Variants in TRAF3 observed in about 807,000 individuals in gnomAD.
TRAF3 encodes TNF receptor associated factor 3.
TRAF3 carries 13 observed loss-of-function variants against 62.3 expected under a neutral mutation model. The observed-to-expected ratio is 0.21, with a 90% confidence interval of 0.14 to 0.33. TRAF3 has a LOEUF of 0.33. Among genes scored for constraint, TRAF3 ranks in the 10% least tolerant of loss-of-function variants. The probability of loss-of-function intolerance (pLI) is 1.00; values close to 1 mark genes in which losing one functional copy is unlikely to be tolerated. For missense variants in TRAF3, 440 were observed against 741.8 expected (o/e 0.59, Z 4.73); for synonymous variants, 269 against 283.4 (o/e 0.95, Z 0.51).
rs553329456 is a variant in TRAF3 at position 102,890,148 on chromosome 14, C to T, written c.726+514C>T. Among the ~76,000 whole-genome samples the T allele has an allele frequency of 3.3e-4, 50 of 152,328 alleles. 1 individual carries two copies. Among genetic ancestry groups the T allele is most frequent in the African/African-American group, 1.1e-3 (46 of 41,584 alleles). Reference sequence around the variant, plus strand: ...ACAGCTCATAGAGAGCACACCTCCCCGAGAACAGTGTGGGGAGGGCATCTC... The same window carrying T: ...ACAGCTCATAGAGAGCACACCTCCCTGAGAACAGTGTGGGGAGGGCATCTC... On this transcript the variant is annotated intron_variant, in intron 8 of 11. Transcript: ENST00000392745.
At chr14:102,816,995 G>T (rs188005725) in intron 1 of TRAF3, among the ~76,000 whole-genome samples, 1 of 152,320 alleles carries the variant, frequency 6.6e-6, no homozygotes, top group East Asian at 1.9e-4. Context: ...GGCATGTGAG[G>T]AAGGGGGTCC....
At chr14:102,782,194 C>G (rs1319730999) in intron 1 of TRAF3, among the ~76,000 whole-genome samples, 1 of 152,100 alleles carries the variant, frequency 6.6e-6, no homozygotes, top group East Asian at 1.9e-4. Flanking sequence ...CTCAGCCTCC[C>G]AAAGTGCTGG....
At chr14:102,838,580 T>C (rs1343127833) in intron 2 of TRAF3, among the ~76,000 whole-genome samples, 1 of 152,192 alleles carries the variant, frequency 6.6e-6, no homozygotes, top group Non-Finnish European at 1.5e-5. Context: ...AGTCTAGTGA[T>C]AAATAGTAGT....
In TRAF3 at chr14:102,805,849, C is replaced by T. The variant is rs116883234; in HGVS notation, c.-156-24485C>T. ...CTCACTGGGATGGTTTGTGTGAGTA[C>T]ATACCTGTTTTACTTTTAGTTTCAC... On this transcript the variant is annotated intron_variant, in intron 1 of 11. Coordinates refer to ENST00000392745, the MANE Select transcript of TRAF3 (RefSeq NM_145725.3). 1.1e-4 allele frequency among the ~76,000 whole-genome samples: 16 copies of T among 152,294 alleles called. No individual in the cohort carries two copies. In the East Asian group the frequency reaches 3.1e-3, roughly 29 times the overall value.
At chr14:102,838,895 A>G (rs182198815) in intron 2 of TRAF3, among the ~76,000 whole-genome samples, 115 of 152,352 alleles carry the variant, frequency 7.5e-4, no homozygotes, top group African/African-American at 2.6e-3. Context: ...CTTAAATTTC[A>G]TAATCTTCAT....
rs1224878160 is a variant in TRAF3 at position 102,781,361 on chromosome 14, GC to G, written c.-157+3687del. Among the ~76,000 whole-genome samples, 12 of 152,334 alleles carry G rather than the reference GC, an allele frequency of 7.9e-5. No homozygotes were observed. In the East Asian group the frequency reaches 2.3e-3, roughly 29 times the overall value. On this transcript the variant is annotated intron_variant, in intron 1 of 11. Transcript: ENST00000392745. ...GTGACTGGGAGCTCATGTGGGTCAT[GC>G]ATACTGTACTGTGAAGGGCATGGTC...
intron 2 of TRAF3, among the ~76,000 whole-genome samples, chr14:102,835,314 TA>T (rs1310458055): frequency 6.7e-6 from 1 of 148,694 alleles, no homozygotes; most frequent in African/African-American, 2.5e-5. Context: ...GAGTGTAAAC[TA>T]GTTCAACCAT....
At chr14:102,800,302 C>G (rs1205687777) in intron 1 of TRAF3, among the ~76,000 whole-genome samples, 2 of 152,236 alleles carry the variant, frequency 1.3e-5, no homozygotes, top group African/African-American at 4.8e-5. Context: ...CCAGGCCCTG[C>G]CTCAGACCTG....
At chr14:102,856,878 A>G (rs1887403997) in intron 2 of TRAF3, among the ~76,000 whole-genome samples, 2 of 152,214 alleles carry the variant, frequency 1.3e-5, no homozygotes, top group Non-Finnish European at 2.9e-5. Context: ...TCAGTCAGAA[A>G]GCATCAATAT....
chr14:102,900,791 G>A (rs921919658), intron 10 of TRAF3, among the ~76,000 whole-genome samples: 4 of 152,220 alleles, frequency 2.6e-5, no homozygotes, highest in African/African-American at 4.8e-5. Flanking sequence ...TAAGGCTCAC[G>A]GGCTGATGCT....
intron 1 of TRAF3, among the ~76,000 whole-genome samples, chr14:102,788,498 C>G (rs1314503106): frequency 6.6e-6 from 1 of 151,748 alleles, no homozygotes; most frequent in East Asian, 2.0e-4. Flanking sequence ...TCCATCTCAA[C>G]AAAAATAAAG....
At chr14:102,846,667 T>A (rs58063842) in intron 2 of TRAF3, among the ~76,000 whole-genome samples, 2,372 of 107,304 alleles carry the variant, frequency 0.022, 25 homozygotes, top group Non-Finnish European at 0.032. Context: ...AAAAAAAAAA[T>A]TTTCCGGACA....
At chr14:102,808,419 A>G (rs1224964214) in intron 1 of TRAF3, among the ~76,000 whole-genome samples, 1 of 151,982 alleles carries the variant, frequency 6.6e-6, no homozygotes, top group African/African-American at 2.4e-5. Context: ...AGGCTGAGGC[A>G]GGAGAATTGC....
chr14:102,905,926 A>C lies in TRAF3; in HGVS notation c.*142A>C. 1 of 695,522 alleles carries C rather than the reference A, an allele frequency of 1.4e-6. No individual in the cohort carries two copies. The highest frequency in any genetic ancestry group is 2.4e-6 in the Non-Finnish European group (1 of 414,544). 43.1% of individuals were successfully genotyped at this position (695,522 alleles called of 1,614,324 possible). A position where few individuals can be genotyped will look rare whatever the true frequency, so the allele number is the denominator to read the frequency against. On this transcript the variant is annotated 3_prime_UTR_variant, in exon 12 of 12. Coordinates refer to ENST00000392745, the MANE Select transcript of TRAF3 (RefSeq NM_145725.3). Reference sequence around the variant, plus strand: ...CAGAAGGCGGACGCGTGCCGGCGGGAGGAGCCACGCGTGAGCACACCTGAC... The same window carrying C: ...CAGAAGGCGGACGCGTGCCGGCGGGCGGAGCCACGCGTGAGCACACCTGAC...
chr14:102,858,346 T>A (rs2139767297), intron 2 of TRAF3, among the ~76,000 whole-genome samples: 1 of 152,164 alleles, frequency 6.6e-6, no homozygotes, highest in South Asian at 2.1e-4. Context: ...AGAGACGGGG[T>A]TTCACCACAT....
chr14:102,895,073 G>A (rs1889930265), intron 9 of TRAF3: 1 of 455,530 alleles, frequency 2.2e-6, no homozygotes, highest in Non-Finnish European at 4.4e-6. Context: ...CTTTTTGCAG[G>A]GATATGAGAA....
chr14:102,777,913 T>C (rs1595268252), intron 1 of TRAF3, among the ~76,000 whole-genome samples: 1 of 149,286 alleles, frequency 6.7e-6, no homozygotes, highest in East Asian at 2.0e-4. Context: ...TCGGCAAACT[T>C]TGTCCCGGAG....
At chr14:102,861,266 G>A (rs1305313761) in intron 2 of TRAF3, among the ~76,000 whole-genome samples, 1 of 152,218 alleles carries the variant, frequency 6.6e-6, no homozygotes, top group Non-Finnish European at 1.5e-5. Context: ...AGCAAAGAGT[G>A]CAAGGCAGAT....
At chr14:102,820,652 T>C (rs1179170224) in intron 1 of TRAF3, among the ~76,000 whole-genome samples, 1 of 114,700 alleles carries the variant, frequency 8.7e-6, no homozygotes, top group East Asian at 2.8e-4. Context: ...TTTTGACAGG[T>C]TCTTGCTCTG....
Sources: allele counts gnomAD v4.1 joint callset (sites outside exome capture counted in the v4.1 genomes callset), GRCh38; gene constraint gnomAD v4.1.1; transcripts MANE v1.5; gene names NCBI Gene and HGNC (gene_info 2026-07-23, HGNC 2026-07-21).